The following ADAMTSL1 variants were observed in gnomAD, a reference collection of about 807,000 sequenced individuals.
ADAMTSL1 encodes ADAMTS like 1.
Under a neutral mutation model 201.8 loss-of-function variants are expected in ADAMTSL1, and 126 were observed. The observed-to-expected ratio is 0.62, with a 90% CI of 0.54 to 0.72. The LOEUF is 0.72. Among genes scored for constraint, ADAMTSL1 ranks in the 30% least tolerant of loss-of-function variants. The pLI is 0.00. For missense variants in ADAMTSL1, 2,679 were observed against 2,277.8 expected (o/e 1.18, Z -3.59); for synonymous variants, 1,121 against 903.4 (o/e 1.24, Z -4.32).
chr9:18,636,889 T>A (rs1355041812), intron 6 of ADAMTSL1, among the ~76,000 whole-genome samples: 1 of 152,154 alleles, frequency 6.6e-6, no homozygotes, highest in Non-Finnish European at 1.5e-5. Context: ...CACAAAGCCA[T>A]CTATCGTCTG....
At position 17,925,132 on chromosome 9, in the gene ADAMTSL1, A is replaced by G. The variant is rs986371981; in HGVS notation, c.87+18210A>G. ...CTCATCATCACTGGCCATCAGAGAA[A>G]TGCAAATCAAAACCACTATGAGATA... On this transcript the variant is annotated intron_variant, in intron 1 of 29. Coordinates refer to the ADAMTSL1 transcript ENST00000680146. Among the ~76,000 whole-genome samples, 178 of 100,364 alleles carry G rather than the reference A, an allele frequency of 1.8e-3. 15 individuals are homozygous for G. The highest frequency in any genetic ancestry group is 5.4e-3 in the African/African-American group (163 of 30,352). 65.8% of individuals were successfully genotyped at this position (100,364 alleles called of 152,430 possible).
At chr9:18,558,580 G>A (rs576499562) in intron 3 of ADAMTSL1, among the ~76,000 whole-genome samples, 5 of 152,214 alleles carry the variant, frequency 3.3e-5, no homozygotes, top group East Asian at 1.9e-4. Flanking sequence ...CTGAGGAATC[G>A]CCACACTGTT....
chr9:18,433,136 G>A (rs1819570976), intron 2 of ADAMTSL1, among the ~76,000 whole-genome samples: 1 of 152,028 alleles, frequency 6.6e-6, no homozygotes, highest in South Asian at 2.1e-4. Flanking sequence ...GTGAATAGAT[G>A]AGTAGGCTTT....
intron 1 of ADAMTSL1, among the ~76,000 whole-genome samples, chr9:17,988,434 T>G (rs1819010884): frequency 6.6e-6 from 1 of 152,066 alleles, no homozygotes; most frequent in South Asian, 2.1e-4. Context: ...CCTCAGTGAA[T>G]ATATTGTAAG....
intron 2 of ADAMTSL1, among the ~76,000 whole-genome samples, chr9:18,373,160 C>T (rs561925059): frequency 2.0e-5 from 3 of 152,300 alleles, no homozygotes; most frequent in South Asian, 2.1e-4. Flanking sequence ...TCTTAGTTGA[C>T]CTTCTCAGTC....
chr9:18,794,612 G>A (rs1054646253), intron 19 of ADAMTSL1, among the ~76,000 whole-genome samples: 1 of 145,874 alleles, frequency 6.9e-6, no homozygotes, highest in African/African-American at 2.6e-5. Flanking sequence ...ATGTCTGTCT[G>A]GTTGTTTTTT....
intron 1 of ADAMTSL1, among the ~76,000 whole-genome samples, chr9:17,979,601 A>G (rs1032610185): frequency 4.0e-5 from 6 of 151,724 alleles, no homozygotes; most frequent in Non-Finnish European, 7.4e-5. Flanking sequence ...CTTTCTTAAG[A>G]CAGTGACTTT....
chr9:18,797,568 A>G (rs1004730887), intron 20 of ADAMTSL1, among the ~76,000 whole-genome samples: 4 of 152,192 alleles, frequency 2.6e-5, no homozygotes, highest in African/African-American at 9.7e-5. Flanking sequence ...GACCCTGCTT[A>G]GTAGGTTATA....
chr9:18,037,375 T>C (rs548690257), intron 1 of ADAMTSL1, among the ~76,000 whole-genome samples: 1 of 152,156 alleles, frequency 6.6e-6, no homozygotes, highest in Non-Finnish European at 1.5e-5. Context: ...TTTGCAGGAC[T>C]ACTTAGTACT....
chr9:18,180,024 A>G (rs1828382031), intron 2 of ADAMTSL1, among the ~76,000 whole-genome samples: 1 of 152,270 alleles, frequency 6.6e-6, no homozygotes, highest in African/African-American at 2.4e-5. Context: ...CACACATAAC[A>G]ATATTAACTT....
At chr9:18,106,712 A>G (rs1475288336) in intron 1 of ADAMTSL1, among the ~76,000 whole-genome samples, 3 of 152,196 alleles carry the variant, frequency 2.0e-5, no homozygotes, top group African/African-American at 4.8e-5. Context: ...GTTATTTTCA[A>G]TCAGTCACAA....
intron 2 of ADAMTSL1, among the ~76,000 whole-genome samples, chr9:18,281,750 C>G (rs1036944107): frequency 1.3e-5 from 2 of 152,054 alleles, no homozygotes; most frequent in Non-Finnish European, 2.9e-5. Context: ...TTAACTTTTT[C>G]TCCACAGCAG....
At position 18,777,321 on chromosome 9, in the gene ADAMTSL1, A is replaced by G; in HGVS notation, c.3092A>G (p.Gln1031Arg). 1.2e-6 allele frequency: 2 copies of G among 1,602,102 alleles called. No individual in the cohort carries two copies. Among genetic ancestry groups the G allele is most frequent in the Middle Eastern group, 1.7e-4 (1 of 6,038 alleles). Residue 1031 changes from glutamine (Q) to arginine (R), a missense_variant, in exon 19 of 29, where the codon CAG (glutamine) becomes CGG (arginine). Transcript: ENST00000380548. Reference protein sequence around the residue: ...YDDLVSRLLEQGGWPGELLAS... With the variant: ...YDDLVSRLLERGGWPGELLAS... The stretch of plus-strand genomic sequence containing the variant: ...GACCTCGTCTCCCGGCTGCTGGAGC[A>G]GGGCGGCTGGCCCGGAGAGCTGCTG...
intron 1 of ADAMTSL1, among the ~76,000 whole-genome samples, chr9:18,016,240 T>G (rs958359479): frequency 4.6e-5 from 7 of 152,038 alleles, no homozygotes; most frequent in African/African-American, 1.7e-4. Flanking sequence ...CTCAAGTATC[T>G]GTGAATACCA....
intron 1 of ADAMTSL1, among the ~76,000 whole-genome samples, chr9:18,137,927 G>T (rs1011842356): frequency 6.6e-6 from 1 of 152,146 alleles, no homozygotes; most frequent in African/African-American, 2.4e-5. Flanking sequence ...TTGCTAGGGA[G>T]AGTTATTCTT....
At chr9:18,768,310 G>C (rs982298759) in intron 16 of ADAMTSL1, among the ~76,000 whole-genome samples, 4 of 152,200 alleles carry the variant, frequency 2.6e-5, no homozygotes, top group African/African-American at 4.8e-5. Flanking sequence ...CCACGGAGGA[G>C]AGAAGCTGAG....
At position 18,219,343 on chromosome 9, in the gene ADAMTSL1, TTTTATTTATTTATTTA is replaced by T. The variant is rs57023892; in HGVS notation, c.207+55390_207+55405del. On this transcript the variant is annotated intron_variant, in intron 2 of 29. Transcript: ENST00000680146. ...AATCCAATATATATTTACATTTTAT[TTTTATTTATTTATTTA>T]TTTATTTATTTATTTATTTATTTAT... Among the ~76,000 whole-genome samples, 266 of 145,474 alleles carry T rather than the reference TTTTATTTATTTATTTA, an allele frequency of 1.8e-3. 1 individual carries two copies. Among genetic ancestry groups the T allele is most frequent in the African/African-American group, 5.1e-3 (200 of 39,338 alleles).
At chr9:18,330,705 A>T (rs1834997575) in intron 2 of ADAMTSL1, among the ~76,000 whole-genome samples, 1 of 152,222 alleles carries the variant, frequency 6.6e-6, no homozygotes, top group Admixed American at 6.5e-5. Context: ...CTTTCTGCTG[A>T]ATATAACACC....
chr9:18,542,961 G>T (rs971022192), intron 3 of ADAMTSL1, among the ~76,000 whole-genome samples: 2 of 152,054 alleles, frequency 1.3e-5, no homozygotes, highest in Non-Finnish European at 2.9e-5. Flanking sequence ...CCTCATTTCC[G>T]GCAGAACTGC....
Sources: gnomAD v4.1 joint callset for allele counts (sites outside exome capture counted in the v4.1 genomes callset) on GRCh38, gnomAD v4.1.1 for gene constraint, MANE v1.5 for transcripts, NCBI Gene and HGNC (gene_info 2026-07-23, HGNC 2026-07-21) for gene names.